DLGAP4: variants seen among roughly 807,000 people sequenced by gnomAD.
DLGAP4 encodes disks large-associated protein 4.
Under a neutral mutation model 86.9 loss-of-function variants are expected in DLGAP4, and 18 were observed. The ratio of observed to expected loss-of-function variants is 0.21; its 90% CI spans 0.14 to 0.31. DLGAP4 has a LOEUF of 0.31. DLGAP4 is among the 10% of genes least tolerant of loss of function. The pLI is 1.00. For missense variants in DLGAP4, 1,085 were observed against 1,362.6 expected (o/e 0.80, Z 3.21); for synonymous variants, 548 against 574.3 (o/e 0.95, Z 0.65).
intron 10 of DLGAP4, among the ~76,000 whole-genome samples, chr20:36,507,051 T>G (rs763602740): frequency 5.2e-4 from 79 of 152,232 alleles, no homozygotes; most frequent in Admixed American, 1.2e-3. Flanking sequence ...ATTTTATGTA[T>G]CTATTCATTT....
At position 36,423,451 on chromosome 20, in the gene DLGAP4, G is replaced by A. The variant is rs1392929608; in HGVS notation, c.-72-8195G>A. Among the ~76,000 whole-genome samples the A allele has an allele frequency of 3.5e-4, 29 of 82,388 alleles. 1 individual carries two copies. Among genetic ancestry groups the A allele is most frequent in the Middle Eastern group, 0.017 (1 of 58 alleles). 54.0% of individuals were successfully genotyped at this position (82,388 alleles called of 152,430 possible). On this transcript the variant is annotated intron_variant, in intron 2 of 12. Coordinates refer to ENST00000339266, the MANE Select transcript of DLGAP4 (RefSeq NM_001365621.2). ...AGCCTGGGTGACAGAGCAAGACTCC[G>A]TCTCAAAAAAAAAAAAAAAAAAAAA...
chr20:36,319,658 A>C (rs73905330), intron 1 of DLGAP4, among the ~76,000 whole-genome samples: 3 of 152,166 alleles, frequency 2.0e-5, no homozygotes, highest in Non-Finnish European at 4.4e-5. Flanking sequence ...TGGTCCAAAG[A>C]CCTCAGGGGT....
chr20:36,386,121 C>A (rs2031586570), intron 2 of DLGAP4, among the ~76,000 whole-genome samples: 1 of 145,192 alleles, frequency 6.9e-6, no homozygotes, highest in Non-Finnish European at 1.5e-5. Flanking sequence ...AGACAAAGCC[C>A]ACCTCGTCCA....
At position 36,476,573 on chromosome 20, in the gene DLGAP4, C is replaced by T. The variant is rs564362136; in HGVS notation, c.1649-20132C>T. ...CAAACTTCAGACCTCCGGTGATCCA[C>T]CCGCCTCAGCCTCCCAAAGTGTTGG... On this transcript the variant is annotated intron_variant, in intron 7 of 12. Transcript: ENST00000339266. Among the ~76,000 whole-genome samples the T allele has an allele frequency of 2.0e-5, 3 of 151,984 alleles. No individual in the cohort carries two copies. The East Asian group carries it at 5.8e-4, about 29-fold the overall frequency.
At chr20:36,471,350 C>T (rs1240790744) in intron 7 of DLGAP4, among the ~76,000 whole-genome samples, 2 of 152,022 alleles carry the variant, frequency 1.3e-5, no homozygotes, top group Admixed American at 6.6e-5. Flanking sequence ...AAAAATTAGC[C>T]GGGCGTGGTG....
At chr20:36,426,643 T>C (rs2032981449) in intron 2 of DLGAP4, among the ~76,000 whole-genome samples, 1 of 152,184 alleles carries the variant, frequency 6.6e-6, no homozygotes, top group East Asian at 1.9e-4. Flanking sequence ...AAATAGATCA[T>C]AGTGGTGGTT....
intron 10 of DLGAP4, chr20:36,508,724 G>C (rs573362481): frequency 2.0e-5 from 3 of 152,348 alleles, no homozygotes; most frequent in African/African-American, 7.2e-5. Flanking sequence ...CACTGCACTG[G>C]GGCCATTTTG....
intron 10 of DLGAP4, among the ~76,000 whole-genome samples, chr20:36,509,612 T>C (rs1293164112): frequency 2.0e-5 from 3 of 151,832 alleles, no homozygotes; most frequent in Non-Finnish European, 4.4e-5. Flanking sequence ...TAGCTGAGCA[T>C]TGTGGTGTAC....
chr20:36,405,254 G>A lies in DLGAP4; in HGVS notation c.-72-26392G>A, dbSNP rs144575811. On this transcript the variant is annotated intron_variant, in intron 2 of 12. Coordinates refer to ENST00000339266, the MANE Select transcript of DLGAP4 (RefSeq NM_001365621.2). ...TGGACTCTGGATTTAAACGGCCTGG[G>A]TTCAAATCCCATCTCTGTAACCTTG... Among the ~76,000 whole-genome samples, 371 of 152,274 alleles carry A rather than the reference G, an allele frequency of 2.4e-3. 2 individuals are homozygous for A. The highest frequency in any genetic ancestry group is 4.0e-3 in the Non-Finnish European group (272 of 68,018).
At chr20:36,412,516 G>A (rs1399367592) in intron 2 of DLGAP4, among the ~76,000 whole-genome samples, 3 of 152,346 alleles carry the variant, frequency 2.0e-5, no homozygotes, top group Non-Finnish European at 4.4e-5. Context: ...GAGCCAAATT[G>A]CCTGGGTTCA....
intron 10 of DLGAP4, among the ~76,000 whole-genome samples, chr20:36,519,189 G>A (rs2037220691): frequency 6.6e-6 from 1 of 152,034 alleles, no homozygotes; most frequent in Non-Finnish European, 1.5e-5. Context: ...TAAGGCAGGA[G>A]GATTGCGCAC....
chr20:36,503,105 G>T (rs560614932), intron 10 of DLGAP4, among the ~76,000 whole-genome samples: 1 of 152,270 alleles, frequency 6.6e-6, no homozygotes, highest in East Asian at 1.9e-4. Context: ...TCAGTTAGTT[G>T]CTGTACCTGC....
intron 2 of DLGAP4, among the ~76,000 whole-genome samples, chr20:36,394,347 G>A (rs2031877668): frequency 6.6e-6 from 1 of 152,182 alleles, no homozygotes; most frequent in Non-Finnish European, 1.5e-5. Context: ...GGGTGCTTGG[G>A]CCACTGCCCT....
chr20:36,438,191 T>C (rs1286985241), intron 4 of DLGAP4, among the ~76,000 whole-genome samples: 1 of 152,060 alleles, frequency 6.6e-6, no homozygotes, highest in Non-Finnish European at 1.5e-5. Flanking sequence ...CTGGTCAACA[T>C]GGCGAAACCG....
chr20:36,326,330 T>C (rs114177259), intron 1 of DLGAP4, among the ~76,000 whole-genome samples: 131 of 152,364 alleles, frequency 8.6e-4, no homozygotes, highest in African/African-American at 2.9e-3. Context: ...TTAGAATTAA[T>C]CACATTTTTG....
intron 1 of DLGAP4, among the ~76,000 whole-genome samples, chr20:36,326,803 T>A (rs1319207854): frequency 6.6e-6 from 1 of 152,222 alleles, no homozygotes; most frequent in South Asian, 2.1e-4. Flanking sequence ...AGTCTTTATT[T>A]TGCCTTCATT....
intron 2 of DLGAP4, among the ~76,000 whole-genome samples, chr20:36,425,122 T>C (rs1473918271): frequency 1.3e-5 from 2 of 151,906 alleles, no homozygotes; most frequent in African/African-American, 2.4e-5. Flanking sequence ...AGGAGAAAAA[T>C]ACTACCAAAA....
intron 11 of DLGAP4, among the ~76,000 whole-genome samples, chr20:36,524,583 A>G (rs781356948): frequency 5.9e-5 from 9 of 152,340 alleles, no homozygotes; most frequent in South Asian, 4.1e-4. Flanking sequence ...GGTAAAGTCA[A>G]TTAGCACTGG....
At chr20:36,318,294 G>T (rs1169150928) in intron 1 of DLGAP4, among the ~76,000 whole-genome samples, 3 of 152,244 alleles carry the variant, frequency 2.0e-5, no homozygotes, top group Non-Finnish European at 4.4e-5. Flanking sequence ...ATGCCCTGGG[G>T]CTCTAAGCAG....
Sources: gnomAD v4.1 joint callset for allele counts (sites outside exome capture counted in the v4.1 genomes callset) on GRCh38, gnomAD v4.1.1 for gene constraint, MANE v1.5 for transcripts, NCBI Gene and HGNC (gene_info 2026-07-23, HGNC 2026-07-21) for gene names.